Variants in SLC25A48 observed in about 807,000 individuals in gnomAD.
The protein encoded by SLC25A48 is CTC-321K16.1.
In SLC25A48, 29 loss-of-function variants were observed where a neutral mutation model predicts 32.2. The ratio of observed to expected loss-of-function variants is 0.90; its 90% CI spans 0.67 to 1.23. The LOEUF (loss-of-function observed/expected upper bound fraction) is 1.23, where lower values mean the gene tolerates loss of function less well. Ranked by LOEUF, SLC25A48 falls within the 50% of genes most tolerant of loss-of-function variation. The probability of loss-of-function intolerance (pLI) is 0.00; values close to 1 mark genes in which losing one functional copy is unlikely to be tolerated. For synonymous variants in SLC25A48, 164 were observed against 172.3 expected (o/e 0.95, Z 0.38); for missense variants, 399 against 422.7 (o/e 0.94, Z 0.49).
chr5:135,824,783 C>T (rs1451598703), intron 4 of SLC25A48: 5 of 152,346 alleles, frequency 3.3e-5, no homozygotes, highest in Non-Finnish European at 7.3e-5. Context: ...GGGCTGGCTG[C>T]TTCTGCAGGA....
intron 3 of SLC25A48, among the ~76,000 whole-genome samples, chr5:135,757,245 A>G (rs1256739408): frequency 6.7e-6 from 1 of 149,912 alleles, no homozygotes; most frequent in Non-Finnish European, 1.5e-5. Flanking sequence ...AACACACTAT[A>G]ATATTAATAA....
intron 3 of SLC25A48, among the ~76,000 whole-genome samples, chr5:135,637,284 T>G (rs989416781): frequency 6.6e-6 from 1 of 152,114 alleles, no homozygotes; most frequent in Non-Finnish European, 1.5e-5. Context: ...CGTAAAGAGG[T>G]GGCTGCTGCA....
At chr5:135,846,029 C>G (rs1759385881) in intron 2 of SLC25A48, among the ~76,000 whole-genome samples, 1 of 152,216 alleles carries the variant, frequency 6.6e-6, no homozygotes, top group African/African-American at 2.4e-5. Context: ...GGCTGCACAG[C>G]AGGAGGTGAG....
intron 3 of SLC25A48, among the ~76,000 whole-genome samples, chr5:135,755,381 T>C (rs77274354): frequency 1.2e-3 from 176 of 152,142 alleles, no homozygotes; most frequent in African/African-American, 3.8e-3. Flanking sequence ...TCATATCTAA[T>C]GTCAAAACAG....
rs137883988 is a variant in SLC25A48, at chr5:135,727,394, G to A, written c.-520-85129G>A. ...TAATCCTCCTAGCAGGGTCTTTTTC[G>A]GAGCAAAAGTTTTTAATTTTGATGA... is the stretch of plus-strand genomic sequence containing the variant. On this transcript the variant is annotated intron_variant, in intron 3 of 10. Transcript: ENST00000646290. 3.0e-3 allele frequency among the ~76,000 whole-genome samples: 461 copies of A among 151,764 alleles called. 2 individuals are homozygous for A. The highest frequency in any genetic ancestry group is 3.4e-3 in the Non-Finnish European group (233 of 67,934).
At chr5:135,874,253 CA>C (rs1399879037) in intron 6 of SLC25A48, 99 bp downstream of exon 6, 2 of 1,307,392 alleles carry the variant, frequency 1.5e-6, no homozygotes, top group African/African-American at 1.5e-5. Flanking sequence ...ATCAGGAGAC[CA>C]GGGGGCTGCT....
intron 4 of SLC25A48, among the ~76,000 whole-genome samples, chr5:135,815,444 A>T (rs1757692198): frequency 6.6e-6 from 1 of 152,176 alleles, no homozygotes; most frequent in Non-Finnish European, 1.5e-5. Context: ...CTAAAAGGCC[A>T]CAAATCAGTA....
upstream of SLC25A48, among the ~76,000 whole-genome samples, chr5:135,834,080 C>T (rs1415431245): frequency 2.0e-5 from 3 of 152,170 alleles, no homozygotes; most frequent in Non-Finnish European, 2.9e-5. Context: ...AAAGCCTCTC[C>T]GCACAGCAGG....
At chr5:135,640,638 T>C (rs1305584138) in intron 3 of SLC25A48, among the ~76,000 whole-genome samples, 3 of 152,164 alleles carry the variant, frequency 2.0e-5, no homozygotes, top group Non-Finnish European at 2.9e-5. Flanking sequence ...AAAAGTATTA[T>C]ACTAGTTATG....
intron 3 of SLC25A48, among the ~76,000 whole-genome samples, chr5:135,681,002 TGAGATG>T (rs1753883976): frequency 6.6e-6 from 1 of 152,228 alleles, no homozygotes; most frequent in South Asian, 2.1e-4. Flanking sequence ...TTCCTTTTTT[TGAGATG>T]GAGTTTCGCT....
chr5:135,871,995 G>A (rs1431046753), intron 5 of SLC25A48: 1 of 1,325,160 alleles, frequency 7.5e-7, no homozygotes, highest in African/African-American at 1.5e-5. Context: ...CTAAGCTTTG[G>A]AAAGGAAATC....
At chr5:135,780,990 C>T (rs1176731393) in intron 3 of SLC25A48, among the ~76,000 whole-genome samples, 1 of 116,216 alleles carries the variant, frequency 8.6e-6, no homozygotes, top group African/African-American at 2.6e-5. Context: ...TGTACACTAC[C>T]CCTATATATT....
intron 3 of SLC25A48, among the ~76,000 whole-genome samples, chr5:135,637,898 A>C (rs1752742694): frequency 6.6e-6 from 1 of 152,212 alleles, no homozygotes; most frequent in Admixed American, 6.5e-5. Flanking sequence ...GATTCCTGGC[A>C]TCAGAAAAGC....
intron 3 of SLC25A48, among the ~76,000 whole-genome samples, chr5:135,743,628 CT>C (rs1755563025): frequency 6.6e-6 from 1 of 152,182 alleles, no homozygotes; most frequent in African/African-American, 2.4e-5. Flanking sequence ...CTCATTACTG[CT>C]CAAATTCAAG....
intron 3 of SLC25A48, among the ~76,000 whole-genome samples, chr5:135,794,417 G>A (rs1160723170): frequency 4.6e-5 from 7 of 151,698 alleles, no homozygotes; most frequent in Admixed American, 2.0e-4. Context: ...TGCCAATATC[G>A]CAGTTGGTGT....
At chr5:135,766,540 C>A (rs1254561689) in intron 3 of SLC25A48, among the ~76,000 whole-genome samples, 1 of 150,926 alleles carries the variant, frequency 6.6e-6, no homozygotes, top group Non-Finnish European at 1.5e-5. Flanking sequence ...GGTGTACACA[C>A]CCCTGTTATA....
At chr5:135,683,959 A>G (rs909635006) in intron 3 of SLC25A48, among the ~76,000 whole-genome samples, 5 of 152,112 alleles carry the variant, frequency 3.3e-5, no homozygotes, top group Admixed American at 6.6e-5. Flanking sequence ...CATTGCTGTG[A>G]TTTTAGGATT....
intron 3 of SLC25A48, among the ~76,000 whole-genome samples, chr5:135,712,050 C>T (rs1754680209): frequency 6.6e-6 from 1 of 152,134 alleles, no homozygotes; most frequent in Non-Finnish European, 1.5e-5. Context: ...GGCCTTGACC[C>T]TGAATTGTCG....
At chr5:135,697,350 C>A (rs1190881689) in intron 3 of SLC25A48, among the ~76,000 whole-genome samples, 1 of 152,154 alleles carries the variant, frequency 6.6e-6, no homozygotes, top group Non-Finnish European at 1.5e-5. Flanking sequence ...CAGCTCTGCT[C>A]AGCTCTGCAA....
Sources: gnomAD v4.1 joint callset for allele counts (sites outside exome capture counted in the v4.1 genomes callset) on GRCh38, gnomAD v4.1.1 for gene constraint, MANE v1.5 for transcripts, NCBI Gene and HGNC (gene_info 2026-07-23, HGNC 2026-07-21) for gene names.